Variants in HROB observed in about 807,000 individuals in gnomAD.
HROB encodes homologous recombination factor with OB-fold.
Under a neutral mutation model 61.0 loss-of-function variants are expected in HROB, and 44 were observed. The observed-to-expected ratio is 0.72, with a 90% CI of 0.57 to 0.93. HROB has a LOEUF of 0.93. HROB is among the 40% of genes least tolerant of loss of function. The pLI is 0.00. For synonymous variants in HROB, 301 were observed against 310.4 expected (o/e 0.97, Z 0.32); for missense variants, 716 against 796.2 (o/e 0.90, Z 1.21).
At chr17:44,145,145 G>A (rs2053574362) in intron 1 of HROB, 58 bp from the exon 2 acceptor site, 3 of 1,580,320 alleles carry the variant, frequency 1.9e-6, no homozygotes, top group East Asian at 4.5e-5. Context: ...GCAGAGTGAG[G>A]ACAGAATGTG....
chr17:44,157,571 GC>G (rs2054009981), intron 8 of HROB, among the ~76,000 whole-genome samples: 2 of 151,868 alleles, frequency 1.3e-5, no homozygotes, highest in Admixed American at 1.3e-4. Context: ...GTGCCACCAT[GC>G]CCGGCTCTGT....
chr17:44,153,660 G>A (rs2053883576), intron 5 of HROB, among the ~76,000 whole-genome samples: 1 of 152,168 alleles, frequency 6.6e-6, no homozygotes, highest in Admixed American at 6.5e-5. Flanking sequence ...CAGGAGAATT[G>A]CTTGAACCTG....
At chr17:44,144,443 A>G (rs1328865122) in intron 1 of HROB, among the ~76,000 whole-genome samples, 1 of 151,784 alleles carries the variant, frequency 6.6e-6, no homozygotes, top group African/African-American at 2.4e-5. Context: ...GCCCGACCAA[A>G]TTTTGTATTT....
At position 44,148,208 on chromosome 17, in the gene HROB, CCCCCTA is replaced by C. The variant is rs1380453336; in HGVS notation, c.407_412del (p.Pro136_Leu137del). The C allele has an allele frequency of 6.2e-7, 1 of 1,614,166 alleles. No individual in the cohort carries two copies. The highest frequency in any genetic ancestry group is 2.2e-5 in the East Asian group (1 of 44,882). On this transcript the variant is annotated inframe_deletion, in exon 3 of 10. Transcript: ENST00000585683. ...CAAGACCTCAGTCCTCAGCCTTACA[CCCCCTA>C]CTCACCTTTGAGAGCCAACAGCAGC...
chr17:44,154,824 G>A (rs756123000), intron 6 of HROB, 29 bp from the exon 7 acceptor site: 8 of 1,613,244 alleles, frequency 5.0e-6, no homozygotes, highest in Non-Finnish European at 5.1e-6. Context: ...CCTTGACCCC[G>A]AGACTGATGG....
chr17:44,161,910 T>A lies in HROB; in HGVS notation c.1919T>A (p.Phe640Tyr), dbSNP rs751174062. 1.2e-6 allele frequency: 2 copies of A among 1,614,080 alleles called. No homozygotes were observed. Among genetic ancestry groups the A allele is most frequent in the Admixed American group, 1.7e-5 (1 of 60,032 alleles). ...DGLLSELPED[F>Y]FCGTSS ...CTCCTGAGTGAGCTTCCTGAAGACTTCTTCTGTGGGACCAGTAGTTGAGAC... is the reference window on the plus strand; with the variant it reads ...CTCCTGAGTGAGCTTCCTGAAGACTACTTCTGTGGGACCAGTAGTTGAGAC... The change falls in exon 10 of 10, where the codon TTC (phenylalanine) becomes TAC (tyrosine). Residue 640 changes from phenylalanine to tyrosine, a missense_variant. Coordinates refer to ENST00000585683, the MANE Select transcript of HROB (RefSeq NM_001171251.3).
chr17:44,153,378 T>A (rs907647796), intron 5 of HROB, among the ~76,000 whole-genome samples: 1 of 151,842 alleles, frequency 6.6e-6, no homozygotes, highest in African/African-American at 2.4e-5. Context: ...TCACTTGATC[T>A]TAGGAGGTTG....
intron 2 of HROB, among the ~76,000 whole-genome samples, chr17:44,147,458 A>T: frequency 1.6e-5 from 2 of 125,140 alleles, no homozygotes; most frequent in Admixed American, 9.1e-5. Flanking sequence ...TTTTTTTGAG[A>T]CAGAGTCTCA....
At chr17:44,149,926 G>A (rs974753969) in intron 3 of HROB, among the ~76,000 whole-genome samples, 3 of 152,232 alleles carry the variant, frequency 2.0e-5, no homozygotes, top group African/African-American at 7.2e-5. Context: ...GTGGGCTTTG[G>A]ATGGATGAGT....
chr17:44,144,101 C>T (rs1321873801), intron 1 of HROB, among the ~76,000 whole-genome samples: 2 of 150,484 alleles, frequency 1.3e-5, no homozygotes, highest in Non-Finnish European at 2.9e-5. Flanking sequence ...CCTTAGCCTT[C>T]CAAGTAGCTG....
chr17:44,153,282 C>CA (rs1045749565), intron 5 of HROB, among the ~76,000 whole-genome samples: 4 of 146,572 alleles, frequency 2.7e-5, no homozygotes, highest in African/African-American at 7.6e-5. Context: ...CCTGTCTCTA[C>CA]AAAAAAATAC....
chr17:44,160,901 A>C (rs1031513276), intron 9 of HROB, among the ~76,000 whole-genome samples: 10 of 152,292 alleles, frequency 6.6e-5, no homozygotes, highest in African/African-American at 2.2e-4. Context: ...AGAGTTGATT[A>C]TAGAATATTA....
At chr17:44,154,423 C>T in intron 5 of HROB, 133 bp from the exon 6 acceptor site, 1 of 774,006 alleles carries the variant, frequency 1.3e-6, no homozygotes, top group Non-Finnish European at 2.2e-6. Flanking sequence ...ACCTCCTTGT[C>T]CTCCACAAAG....
At chr17:44,161,095 C>G (rs546867222) in intron 9 of HROB, among the ~76,000 whole-genome samples, 2 of 151,782 alleles carry the variant, frequency 1.3e-5, no homozygotes, top group Non-Finnish European at 2.9e-5. Flanking sequence ...CCCAGCTACT[C>G]AGGAGGCTGA....
Position 44,152,649 on chromosome 17 carries a change from TC to T in HROB, c.1324del (p.Gln442ArgfsTer14). The T allele has an allele frequency of 6.2e-7, 1 of 1,614,128 alleles. No homozygotes were observed. Among genetic ancestry groups the T allele is most frequent in the Non-Finnish European group, 8.5e-7 (1 of 1,180,002 alleles). On this transcript the variant is annotated frameshift_variant, in exon 5 of 10. Coordinates refer to ENST00000585683, the MANE Select transcript of HROB (RefSeq NM_001171251.3). LOFTEE classifies it high-confidence loss of function. ...TCTGTGGTACCAGATTGTTGCTAGT[TC>T]CCAGGCATCTGTGGAGGAGGATTTT... is the stretch of plus-strand genomic sequence containing the variant. ...AKFQTEIVAS[S>X]QASVEEDFGR...
At chr17:44,159,077 A>G (rs1203393243) in intron 9 of HROB, among the ~76,000 whole-genome samples, 3 of 152,280 alleles carry the variant, frequency 2.0e-5, no homozygotes, top group African/African-American at 7.2e-5. Flanking sequence ...GGCATGACCT[A>G]CCGTGCCCAG....
intron 9 of HROB, among the ~76,000 whole-genome samples, chr17:44,161,304 C>G (rs2054133709): frequency 6.6e-6 from 1 of 152,066 alleles, no homozygotes. Context: ...AGAGCAAGCA[C>G]TCAGTCAGTA....
Position 44,154,641 on chromosome 17 carries a change from G to C in HROB, c.1535G>C (p.Ser512Thr), listed in dbSNP as rs2053917444. 1 of 1,614,184 alleles carries C rather than the reference G, an allele frequency of 6.2e-7. No homozygotes were observed. The highest frequency in any genetic ancestry group is 2.2e-5 in the East Asian group (1 of 44,876). ...CTGACTCGGAGCACAATGGACGCCA[G>C]TGTGGTTTTCAAGGACCCCACGGGT... ...KSLTRSTMDA[S>T]VVFKDPTGEM... The change falls in exon 6 of 10, where the codon AGT becomes ACT. Residue 512 changes from serine (S) to threonine (T), a missense_variant. Transcript: ENST00000585683.
chr17:44,162,180 G>A lies in HROB; in HGVS notation c.*248G>A. 1 of 495,108 alleles carries A rather than the reference G, an allele frequency of 2.0e-6. No individual in the cohort carries two copies. Among genetic ancestry groups the A allele is most frequent in the Non-Finnish European group, 3.6e-6 (1 of 275,684 alleles). 30.7% of individuals were successfully genotyped at this position (495,108 alleles called of 1,614,324 possible). On this transcript the variant is annotated 3_prime_UTR_variant, in exon 10 of 10. Transcript: ENST00000585683. ...GACTGGCTCTCCAGCCAACAAGAAA[G>A]GCCTGTCACCCTCGCCTTGGGTGTC...
Sources: gnomAD v4.1 joint callset for allele counts (sites outside exome capture counted in the v4.1 genomes callset) on GRCh38, gnomAD v4.1.1 for gene constraint, MANE v1.5 for transcripts, NCBI Gene and HGNC (gene_info 2026-07-23, HGNC 2026-07-21) for gene names.